The following TP73 variants were observed in gnomAD, a reference collection of about 807,000 sequenced individuals.
The protein encoded by TP73 is tumor protein p73, also known as p53-like transcription factor.
Under a neutral mutation model 62.5 loss-of-function variants are expected in TP73, and 25 were observed. The observed-to-expected ratio is 0.40, with a 90% CI of 0.29 to 0.56. The LOEUF (loss-of-function observed/expected upper bound fraction) is 0.56. Ranked by LOEUF, TP73 falls within the 20% of genes least tolerant of loss-of-function variation. The probability of loss-of-function intolerance (pLI) is 0.46; values close to 1 mark genes in which losing one functional copy is unlikely to be tolerated. For synonymous variants in TP73, 423 were observed against 377.5 expected, an observed-to-expected ratio of 1.12 and a Z score of -1.40; for missense variants, 754 against 913.3, an observed-to-expected ratio of 0.83 and a Z score of 2.25.
chr1:3,653,026 A>G (rs1213385460), intron 1 of TP73, among the ~76,000 whole-genome samples: 1 of 152,072 alleles, frequency 6.6e-6, no homozygotes, highest in Non-Finnish European at 1.5e-5. Context: ...GCGCGGGTGC[A>G]GGTGGAAATC....
intron 3 of TP73, among the ~76,000 whole-genome samples, chr1:3,687,111 G>A (rs1645677836): frequency 6.6e-6 from 1 of 152,206 alleles, no homozygotes; most frequent in Admixed American, 6.5e-5. Context: ...CCGTGCCTTA[G>A]GCTCTGGCTG....
At chr1:3,732,514 G>A (rs1217105172) in intron 13 of TP73, among the ~76,000 whole-genome samples, 1 of 152,164 alleles carries the variant, frequency 6.6e-6, no homozygotes, top group Non-Finnish European at 1.5e-5. Flanking sequence ...TCCTCCCCCA[G>A]GGCCAGGTAG....
At chr1:3,658,467 G>A (rs971457727) in intron 1 of TP73, among the ~76,000 whole-genome samples, 2 of 152,180 alleles carry the variant, frequency 1.3e-5, no homozygotes, top group African/African-American at 2.4e-5. Flanking sequence ...AGGGGGCCTG[G>A]GCTTCTGGGG....
rs1348576172 is a variant in TP73, at chr1:3,662,824, A to G, written c.-34+10183A>G. On this transcript the variant is annotated intron_variant, in intron 1 of 13. Transcript: ENST00000378295. This position sits in a 1 kb window ranked among gnomAD's most constrained non-coding sequence, Gnocchi z 4.4. ...AATCAGCTCCCCACCAGGCCCCAGG[A>G]CAGACCTGGCTGGGGAGCGCAGGGA... Among the ~76,000 whole-genome samples, 1 of 152,168 alleles carries G rather than the reference A, an allele frequency of 6.6e-6. No individual in the cohort carries two copies. Among genetic ancestry groups the G allele is most frequent in the Non-Finnish European group, 1.5e-5 (1 of 68,020 alleles).
intron 3 of TP73, among the ~76,000 whole-genome samples, chr1:3,697,302 G>C (rs980860141): frequency 3.9e-5 from 6 of 152,210 alleles, no homozygotes; most frequent in African/African-American, 1.4e-4. Flanking sequence ...GGGCGTCTCT[G>C]CTCAGCTCCG....
Position 3,696,905 on chromosome 1 carries a change from C to T in TP73, c.187-10644C>T, listed in dbSNP as rs1638711568. Among the ~76,000 whole-genome samples the T allele has an allele frequency of 6.6e-6, 1 of 152,196 alleles. No individual in the cohort carries two copies. The highest frequency in any genetic ancestry group is 1.5e-5 in the Non-Finnish European group (1 of 68,020). On this transcript the variant is annotated intron_variant, in intron 3 of 13. Transcript: ENST00000378295. This position sits in a 1 kb window ranked among gnomAD's most constrained non-coding sequence, Gnocchi z 4.1. ...CCGCCTCCGGCCCCCCTGCCACCCTCGGCCAGCTGCTATTTCTGTCTCCTT... is the reference window on the plus strand; with the variant it reads ...CCGCCTCCGGCCCCCCTGCCACCCTTGGCCAGCTGCTATTTCTGTCTCCTT...
chr1:3,708,120 T>C (rs942782268), intron 4 of TP73: 2 of 402,988 alleles, frequency 5.0e-6, no homozygotes, highest in Non-Finnish European at 9.2e-6. Context: ...TTTGAAATCC[T>C]GTCCTGGACA....
intron 1 of TP73, among the ~76,000 whole-genome samples, chr1:3,673,698 T>C (rs1645295850): frequency 6.6e-6 from 1 of 152,128 alleles, no homozygotes; most frequent in Non-Finnish European, 1.5e-5. Context: ...TCATGTGTCT[T>C]GGTATGACCC....
chr1:3,719,152 C>A (rs377651261), intron 4 of TP73, among the ~76,000 whole-genome samples: 6 of 152,172 alleles, frequency 3.9e-5, no homozygotes, highest in Admixed American at 3.9e-4. Flanking sequence ...TCTGCCGCGC[C>A]CTCCCTGCTC....
At chr1:3,720,313 C>A (rs897852750) in intron 4 of TP73, among the ~76,000 whole-genome samples, 6 of 152,222 alleles carry the variant, frequency 3.9e-5, no homozygotes, top group Non-Finnish European at 8.8e-5. Flanking sequence ...TGGGCGGCTT[C>A]CTGCCTAAGG....
chr1:3,668,151 G>T (rs373680857), intron 1 of TP73, among the ~76,000 whole-genome samples: 23 of 152,342 alleles, frequency 1.5e-4, no homozygotes, highest in Admixed American at 1.2e-3. Flanking sequence ...AACTAGGGGT[G>T]GGGGAGGAGG....
At chr1:3,718,791 T>C (rs1415471342) in intron 4 of TP73, among the ~76,000 whole-genome samples, 1 of 152,156 alleles carries the variant, frequency 6.6e-6, no homozygotes, top group African/African-American at 2.4e-5. Context: ...GGCCATGGGC[T>C]GTGGCACTAG....
intron 3 of TP73, among the ~76,000 whole-genome samples, chr1:3,691,998 T>A (rs1340829400): frequency 6.6e-6 from 1 of 151,790 alleles, no homozygotes; most frequent in Non-Finnish European, 1.5e-5. Flanking sequence ...CATGTGTGTG[T>A]CTAAGCGTGG....
intron 1 of TP73, among the ~76,000 whole-genome samples, chr1:3,671,171 G>A (rs1376299788): frequency 1.3e-5 from 2 of 152,180 alleles, no homozygotes; most frequent in Non-Finnish European, 2.9e-5. Flanking sequence ...AGGGTTCCAG[G>A]GCTCCAGCTG....
intron 4 of TP73, among the ~76,000 whole-genome samples, chr1:3,711,733 C>T (rs373822796): frequency 2.0e-5 from 3 of 152,218 alleles, no homozygotes; most frequent in Admixed American, 1.3e-4. Flanking sequence ...CACACAGGTG[C>T]GATGGCCAGC....
intron 2 of TP73, among the ~76,000 whole-genome samples, 155 bp downstream of exon 2, chr1:3,682,585 C>G (rs1181523506): frequency 6.6e-6 from 1 of 152,130 alleles, no homozygotes; most frequent in Non-Finnish European, 1.5e-5. Context: ...AGACTTTGGG[C>G]TAAACTTGGC....
intron 4 of TP73, chr1:3,708,137 C>T (rs933910316): frequency 4.0e-5 from 14 of 346,732 alleles, no homozygotes; most frequent in Admixed American, 1.3e-4. Flanking sequence ...GACAGAGGCA[C>T]GGGCTCTGCT....
At position 3,729,406 on chromosome 1, in the gene TP73, T is replaced by C; in HGVS notation, c.1154T>C (p.Leu385Pro). 1 of 1,613,136 alleles carries C rather than the reference T, an allele frequency of 6.2e-7. No individual in the cohort carries two copies. Among genetic ancestry groups the C allele is most frequent in the Admixed American group, 1.7e-5 (1 of 60,002 alleles). Residue 385 changes from leucine (L) to proline (P), a missense_variant, in exon 10 of 14, where the codon CTG (leucine) becomes CCG (proline). Physicochemically the swap from Leu to Pro is moderately conservative, Grantham distance 98. This residue lies in a region of TP73 where 458 missense variants were observed against 528.7 expected (regional missense o/e 0.87). Transcript: ENST00000378295. ...LELMELVPQP[L>P]VDSYRQQQQL... is the part of the protein sequence containing the mutation. ...CTGATGGAGTTGGTGCCGCAGCCAC[T>C]GGTGGACTCCTATCGGCAGCAGCAG... is the stretch of plus-strand genomic sequence containing the variant.
intron 7 of TP73, 132 bp downstream of exon 7, chr1:3,727,356 G>C: frequency 9.8e-7 from 1 of 1,024,964 alleles, no homozygotes; most frequent in East Asian, 2.6e-5. Flanking sequence ...TGCTGCTGGA[G>C]GAAGGAACCG....
Sources: gnomAD v4.1 joint callset for allele counts (sites outside exome capture counted in the v4.1 genomes callset) on GRCh38, gnomAD v4.1.1 for gene constraint, gnomAD v4.1.1 regional missense constraint, Gnocchi (gnomAD v3.1) non-coding constraint, MANE v1.5 for transcripts, NCBI Gene and HGNC (gene_info 2026-07-23, HGNC 2026-07-21) for gene names.